The following WDR33 variants were observed in gnomAD, a reference collection of about 807,000 sequenced individuals.
WDR33 encodes WD repeat domain 33.
In WDR33, 47 loss-of-function variants were observed where a neutral mutation model predicts 164.9. The observed-to-expected ratio is 0.29, with a 90% CI of 0.23 to 0.36. WDR33 has a LOEUF of 0.36. WDR33 is among the 10% of genes least tolerant of loss of function. The probability of loss-of-function intolerance (pLI) is 1.00; values close to 1 mark genes in which losing one functional copy is unlikely to be tolerated. For synonymous variants in WDR33, 505 were observed against 589.0 expected (o/e 0.86, Z 2.06); for missense variants, 1,137 against 1,754.1 (o/e 0.65, Z 6.28).
At chr2:127,761,277 T>C (rs1394385479) in intron 7 of WDR33, among the ~76,000 whole-genome samples, 16 of 152,084 alleles carry the variant, frequency 1.1e-4, no homozygotes, top group Non-Finnish European at 2.1e-4. Flanking sequence ...CTCCGCTCAC[T>C]GCAAGCTCCG....
chr2:127,771,417 T>C (rs79371230), intron 1 of WDR33, among the ~76,000 whole-genome samples: 4,128 of 152,294 alleles, frequency 0.027, 204 homozygotes, highest in African/African-American at 0.093. Flanking sequence ...AAAAATACTA[T>C]ATTATAATCT....
intron 7 of WDR33, among the ~76,000 whole-genome samples, chr2:127,750,708 A>G (rs1216154102): frequency 4.9e-5 from 3 of 60,978 alleles, no homozygotes; most frequent in African/African-American, 1.8e-4. Flanking sequence ...ATATATATAT[A>G]TATATGTATG....
chr2:127,741,390 A>G lies in WDR33; in HGVS notation c.725-14613T>C, dbSNP rs1484415267. On this transcript the variant is annotated intron_variant, in intron 7 of 21. Coordinates refer to ENST00000322313, the MANE Select transcript of WDR33 (RefSeq NM_018383.5). The surrounding 1 kb of genome is among the most constrained non-coding windows in gnomAD (Gnocchi z 4.1). The stretch of plus-strand genomic sequence containing the variant: ...TCCACTTAAGAGTGGAATAAACTTA[A>G]GCACTCCACCTCAGAGTACAAACCA... Among the ~76,000 whole-genome samples, 1 of 152,212 alleles carries G rather than the reference A, an allele frequency of 6.6e-6. No homozygotes were observed. Among genetic ancestry groups the G allele is most frequent in the Non-Finnish European group, 1.5e-5 (1 of 68,034 alleles).
At chr2:127,788,512 G>A (rs1161448365) in intron 1 of WDR33, among the ~76,000 whole-genome samples, 7 of 119,968 alleles carry the variant, frequency 5.8e-5, no homozygotes, top group African/African-American at 1.1e-4. Context: ...GCGGCTGGCC[G>A]GGTGGGGGGG....
intron 1 of WDR33, among the ~76,000 whole-genome samples, chr2:127,795,914 G>C (rs572265495): frequency 6.6e-6 from 1 of 151,850 alleles, no homozygotes; most frequent in South Asian, 2.1e-4. Flanking sequence ...TATTCTAGAT[G>C]AGACTAAAAG....
At position 127,721,082 on chromosome 2, in the gene WDR33, C is replaced by A. The variant is rs929756477; in HGVS notation, c.1672-729G>T. On this transcript the variant is annotated intron_variant, in intron 15 of 21. Transcript: ENST00000322313. The surrounding 1 kb of genome is among the most constrained non-coding windows in gnomAD (Gnocchi z 4.9). ...TGTATATTTAACTTAGATCTACTCA[C>A]TGCCCCACTAATTCAGTTTTTTTAT... Among the ~76,000 whole-genome samples, 2 of 152,210 alleles carry A rather than the reference C, an allele frequency of 1.3e-5. No individual in the cohort carries two copies. The highest frequency in any genetic ancestry group is 2.9e-5 in the Non-Finnish European group (2 of 68,030).
At chr2:127,787,630 A>C (rs1215845861) in intron 1 of WDR33, among the ~76,000 whole-genome samples, 2 of 61,306 alleles carry the variant, frequency 3.3e-5, no homozygotes, top group Admixed American at 1.4e-4. Flanking sequence ...GGCGCCCCTC[A>C]CCTCCCGGAC....
rs1404677110 is a variant in WDR33, at chr2:127,726,237, A to G, written c.851+414T>C. Among the ~76,000 whole-genome samples the G allele has an allele frequency of 1.3e-5, 2 of 152,232 alleles. No homozygotes were observed. Among genetic ancestry groups the G allele is most frequent in the African/African-American group, 4.8e-5 (2 of 41,464 alleles). On this transcript the variant is annotated intron_variant, in intron 8 of 21. Transcript: ENST00000322313. This position sits in a 1 kb window ranked among gnomAD's most constrained non-coding sequence, Gnocchi z 4.8. The stretch of plus-strand genomic sequence containing the variant: ...AAGTAAGCCCATCAGACAAAAAATG[A>G]GAAGTGGTTCAAAACCAGAAGAAAA...
Position 127,719,590 on chromosome 2 carries a change from C to G in WDR33, c.2435G>C (p.Gly812Ala). The G allele has an allele frequency of 6.2e-7, 1 of 1,613,936 alleles. No homozygotes were observed. Among genetic ancestry groups the G allele is most frequent in the Non-Finnish European group, 8.5e-7 (1 of 1,179,962 alleles). Residue 812 changes from glycine (G) to alanine (A), a missense_variant, in exon 16 of 22, where the codon GGA becomes GCA. By Grantham distance (60) the Gly-to-Ala change is moderately conservative. Transcript: ENST00000322313. This position sits in a 1 kb window ranked among gnomAD's most constrained non-coding sequence, Gnocchi z 6.5. ...CAGTAGTCCACCTGGAGGGTGAGGT[C>G]CTCTCATCTCTTGAGGCGGGTGGCC... The part of the protein sequence containing the change: ...IMGHPPQEMR[G>A]PHPPGGLLGH...
intron 1 of WDR33, among the ~76,000 whole-genome samples, chr2:127,771,971 AG>A (rs1688018343): frequency 1.3e-5 from 2 of 152,152 alleles, no homozygotes; most frequent in Admixed American, 1.3e-4. Context: ...AAAAGAAGGT[AG>A]GATCACTGGG....
At chr2:127,749,925 T>G (rs1301840499) in intron 7 of WDR33, among the ~76,000 whole-genome samples, 1 of 150,460 alleles carries the variant, frequency 6.6e-6, no homozygotes, top group African/African-American at 2.4e-5. Flanking sequence ...AAGCTCCACC[T>G]CTCGGGTTCA....
Position 127,709,104 on chromosome 2 carries a change from T to C in WDR33, c.3566-212A>G, listed in dbSNP as rs1317510392. ...CCAGAGAACTCGTTCTCAGGCATTGTAGTATCAAGACGTCTTTACAGTCTC... is the reference window on the plus strand; with the variant it reads ...CCAGAGAACTCGTTCTCAGGCATTGCAGTATCAAGACGTCTTTACAGTCTC... On this transcript the variant is annotated intron_variant, in intron 20 of 21. Transcript: ENST00000322313. The surrounding 1 kb of genome is among the most constrained non-coding windows in gnomAD (Gnocchi z 5.0). Among the ~76,000 whole-genome samples, 1 of 152,202 alleles carries C rather than the reference T, an allele frequency of 6.6e-6. No homozygotes were observed. Among genetic ancestry groups the C allele is most frequent in the East Asian group, 1.9e-4 (1 of 5,198 alleles).
At chr2:127,725,300 C>T in intron 8 of WDR33, 85 bp from the exon 9 acceptor site, 1 of 1,341,002 alleles carries the variant, frequency 7.5e-7, no homozygotes, top group South Asian at 1.5e-5. Flanking sequence ...GCGAATTAAT[C>T]AAGATGGCAA....
At chr2:127,792,615 A>C (rs1206394069) in intron 1 of WDR33, among the ~76,000 whole-genome samples, 1 of 134,836 alleles carries the variant, frequency 7.4e-6, no homozygotes, top group Admixed American at 7.2e-5. Context: ...CAGAGGCTGC[A>C]GTGAGCCAAG....
chr2:127,784,850 A>G (rs539950490), intron 1 of WDR33, among the ~76,000 whole-genome samples: 14 of 152,328 alleles, frequency 9.2e-5, no homozygotes, highest in Admixed American at 8.5e-4. Flanking sequence ...TTTTTATCAC[A>G]TTCCTTATAA....
intron 1 of WDR33, among the ~76,000 whole-genome samples, chr2:127,805,058 G>A (rs1466676630): frequency 7.3e-6 from 1 of 137,344 alleles, no homozygotes; most frequent in Non-Finnish European, 1.5e-5. Flanking sequence ...CATCACCTGT[G>A]AAGTTTTTTC....
At chr2:127,730,493 G>T (rs560333494) in intron 7 of WDR33, among the ~76,000 whole-genome samples, 1 of 151,926 alleles carries the variant, frequency 6.6e-6, no homozygotes, top group South Asian at 2.1e-4. Flanking sequence ...GTAAAAGATG[G>T]CACTTAAAGT....
At position 127,720,228 on chromosome 2, in the gene WDR33, T is replaced by G; in HGVS notation, c.1797A>C (p.Gln599His). Residue 599 changes from glutamine (Q) to histidine (H), a missense_variant, in exon 16 of 22, where the codon CAA becomes CAC. Physicochemically the swap from Gln to His is conservative, Grantham distance 24. Transcript: ENST00000322313. This position sits in a 1 kb window ranked among gnomAD's most constrained non-coding sequence, Gnocchi z 5.9. ...GAGATGGATGGGGCTGTTGAAAACCTTGAGGAATCTGAGACATTGGACCTT... is the reference window on the plus strand; with the variant it reads ...GAGATGGATGGGGCTGTTGAAAACCGTGAGGAATCTGAGACATTGGACCTT... ...PGQGPMSQIP[Q>H]GFQQPHPSQQ... 1 of 1,596,410 alleles carries G rather than the reference T, an allele frequency of 6.3e-7. No individual in the cohort carries two copies. The highest frequency in any genetic ancestry group is 8.5e-7 in the Non-Finnish European group (1 of 1,170,888).
chr2:127,788,449 C>G (rs1393008319), intron 1 of WDR33, among the ~76,000 whole-genome samples: 1 of 121,902 alleles, frequency 8.2e-6, no homozygotes, highest in Non-Finnish European at 1.7e-5. Context: ...CCCTCCCGGA[C>G]GGGGCGGCTG....
Sources: allele counts gnomAD v4.1 joint callset (sites outside exome capture counted in the v4.1 genomes callset), GRCh38; gene constraint gnomAD v4.1.1; non-coding constraint Gnocchi (gnomAD v3.1); transcripts MANE v1.5; gene names NCBI Gene and HGNC (gene_info 2026-07-23, HGNC 2026-07-21).